The following KRT84 variants were observed in gnomAD, a reference collection of about 807,000 sequenced individuals.
KRT84 encodes the protein keratin 84, also known as keratin, type II cuticular Hb4.
A neutral mutation model predicts 49.0 loss-of-function variants in KRT84; 38 were observed. The observed-to-expected ratio is 0.78, with a 90% CI of 0.60 to 1.02. KRT84 has a LOEUF of 1.02. Among genes scored for constraint, KRT84 ranks in the 50% least tolerant of loss-of-function variants. The probability of loss-of-function intolerance (pLI) is 0.00; values close to 1 mark genes in which losing one functional copy is unlikely to be tolerated. For missense variants in KRT84, 860 were observed against 788.6 expected, an observed-to-expected ratio of 1.09 and a Z score of -1.08; for synonymous variants, 334 against 312.8, an observed-to-expected ratio of 1.07 and a Z score of -0.72.
At chr12:52,380,280 T>A in intron 7 of KRT84, 83 bp downstream of exon 7, 1 of 1,504,554 alleles carries the variant, frequency 6.6e-7, no homozygotes. Flanking sequence ...ATTTCTGCAG[T>A]TCTTCACTGT....
At chr12:52,382,575 T>C in intron 3 of KRT84, 43 bp from the exon 4 acceptor site, 2 of 1,478,774 alleles carry the variant, frequency 1.4e-6, no homozygotes, top group Non-Finnish European at 1.9e-6. Context: ...GCCTGGGCAC[T>C]GTTTCACCTT....
intron 3 of KRT84, 139 bp downstream of exon 3, chr12:52,382,866 T>C: frequency 1.4e-6 from 1 of 709,410 alleles, no homozygotes; most frequent in South Asian, 1.7e-5. Context: ...TCTTGTTATC[T>C]CTGAGATTCC....
chr12:52,381,295 C>A, intron 5 of KRT84, 66 bp downstream of exon 5: 1 of 1,610,764 alleles, frequency 6.2e-7, no homozygotes, highest in Non-Finnish European at 8.5e-7. Flanking sequence ...CTCCCTGGGC[C>A]TGATCTGTTA....
intron 8 of KRT84, among the ~76,000 whole-genome samples, chr12:52,378,838 C>G (rs1939432684): frequency 6.6e-6 from 1 of 152,206 alleles, no homozygotes; most frequent in Non-Finnish European, 1.5e-5. Flanking sequence ...CAACACTAGT[C>G]CCTTGTCGCC....
upstream of KRT84, chr12:52,385,678 T>A: frequency 8.3e-7 from 1 of 1,212,062 alleles, no homozygotes. Flanking sequence ...CTTGCACCCC[T>A]TTTATGTGTG....
rs1301498122 is a variant in KRT84 at position 52,385,591 on chromosome 12, C to T, written c.-6G>A. 6 of 1,610,384 alleles carry T rather than the reference C, an allele frequency of 3.7e-6. No homozygotes were observed. The South Asian group carries it at 4.4e-5, about 12-fold the overall frequency. On this transcript the variant is annotated 5_prime_UTR_variant, in exon 1 of 9. Transcript: ENST00000257951. ...CGGTAGGAGCGGCAAGACATGATGG[C>T]TTCCTGGTTGGGAGCAAAAGAGCAA... is the stretch of plus-strand genomic sequence containing the variant.
chr12:52,377,929 G>T lies in KRT84; in HGVS notation c.*105C>A. 5 of 821,376 alleles carry T rather than the reference G, an allele frequency of 6.1e-6. No individual in the cohort carries two copies. The South Asian group carries it at 1.7e-4, about 28-fold the overall frequency. The allele number at this position is 821,376 out of a possible 1,614,324, so 50.9% of individuals were successfully genotyped here. ...CTAAGGGGTGGCTTCCTGGCAGAAA[G>T]GGGAGCTGGAGACCGTCAAGCCCAG... On this transcript the variant is annotated 3_prime_UTR_variant, in exon 9 of 9. Transcript: ENST00000257951.
At position 52,385,318 on chromosome 12, in the gene KRT84, C is replaced by T; in HGVS notation, c.268G>A (p.Gly90Arg). 1 of 1,614,158 alleles carries T rather than the reference C, an allele frequency of 6.2e-7. No individual in the cohort carries two copies. The highest frequency in any genetic ancestry group is 8.5e-7 in the Non-Finnish European group (1 of 1,180,042). ...CTAGGCCCCAGACCAACACCTCTCC[C>T]ATCACCAAAACCCATCCCACAGCCA... ...GAGCGMGFGDGRGVGLGPRAD... is the reference protein window; with the variant it reads ...GAGCGMGFGDRRGVGLGPRAD... The change falls in exon 1 of 9, where the codon GGG becomes AGG. Residue 90 changes from glycine (G) to arginine (R), a missense_variant. Gly to Arg is a moderately radical substitution (Grantham distance 125, BLOSUM62 -2). Coordinates refer to ENST00000257951, the MANE Select transcript of KRT84 (RefSeq NM_033045.4).
rs767667649 is a variant in KRT84, at chr12:52,382,499, G to A, written c.850C>T (p.Leu284Phe). The stretch of plus-strand genomic sequence containing the variant: ...GTTAGGGTATCCACGTTGGCCTCGA[G>A]ATCAGACTTGTTCATGAAAGCTGCA... ...VDAAFMNKSDLEANVDTLTQE... is the reference protein window; with the variant it reads ...VDAAFMNKSDFEANVDTLTQE... The change falls in exon 4 of 9, where the codon CTC (leucine) becomes TTC (phenylalanine). Residue 284 changes from leucine to phenylalanine, a missense_variant. By Grantham distance (22) the Leu-to-Phe change is conservative. Coordinates refer to ENST00000257951, the MANE Select transcript of KRT84 (RefSeq NM_033045.4). The A allele has an allele frequency of 1.2e-6, 2 of 1,614,060 alleles. No homozygotes were observed. Among genetic ancestry groups the A allele is most frequent in the Non-Finnish European group, 1.7e-6 (2 of 1,179,924 alleles).
chr12:52,381,423 C>A lies in KRT84; in HGVS notation c.1015G>T (p.Ala339Ser). The stretch of plus-strand genomic sequence containing the variant: ...CGCCTGGCCACCTCCTCATACTGGG[C>A]CTTGACCTCAGCAATGATCCCATCA... ...NLDGIIAEVK[A>S]QYEEVARRSR... Residue 339 changes from alanine to serine, a missense_variant, in exon 5 of 9, where the codon GCC (alanine) becomes TCC (serine). Transcript: ENST00000257951. 1 of 1,614,202 alleles carries A rather than the reference C, an allele frequency of 6.2e-7. No individual in the cohort carries two copies.
chr12:52,385,668 C>T, upstream of KRT84: 11 of 1,302,128 alleles, frequency 8.4e-6, no homozygotes, highest in Non-Finnish European at 1.2e-5. Context: ...CAGTGGAACC[C>T]TTGCACCCCT....
chr12:52,382,569 G>A lies in KRT84; in HGVS notation c.817-37C>T, dbSNP rs190953125. ...AGAGAAGGATAAATACTCATCGCCT[G>A]GGCACTGTTTCACCTTCCCACCTGT... is the stretch of plus-strand genomic sequence containing the variant. On this transcript the variant is annotated intron_variant, in intron 3 of 8. Coordinates refer to ENST00000257951, the MANE Select transcript of KRT84 (RefSeq NM_033045.4). 807 of 1,535,220 alleles carry A rather than the reference G, an allele frequency of 5.3e-4. 1 individual carries two copies. Among genetic ancestry groups the A allele is most frequent in the Admixed American group, 9.0e-4 (54 of 59,816 alleles).
intron 1 of KRT84, 106 bp from the exon 2 acceptor site, chr12:52,383,904 G>A: frequency 1.1e-6 from 1 of 883,014 alleles, no homozygotes; most frequent in South Asian, 1.6e-5. Flanking sequence ...TGTCGACAGG[G>A]TTCTCTCCTC....
intron 3 of KRT84, 85 bp downstream of exon 3, chr12:52,382,920 G>A (rs941683560): frequency 4.5e-5 from 50 of 1,121,320 alleles, no homozygotes; most frequent in Non-Finnish European, 5.9e-5. Context: ...GACTCCACAG[G>A]GCTGCCTGAG....
rs1939553958 is a variant in KRT84, at chr12:52,385,240, C to T, written c.346G>A (p.Gly116Ser). 1 of 1,614,120 alleles carries T rather than the reference C, an allele frequency of 6.2e-7. No individual in the cohort carries two copies. Among genetic ancestry groups the T allele is most frequent in the Non-Finnish European group, 8.5e-7 (1 of 1,180,018 alleles). Residue 116 changes from glycine (G) to serine (S), a missense_variant, in exon 1 of 9, where the codon GGC (glycine) becomes AGC (serine). By Grantham distance (56) the Gly-to-Ser change is moderately conservative. Coordinates refer to ENST00000257951, the MANE Select transcript of KRT84 (RefSeq NM_033045.4). ...TAACCAAAGCCAGGGCCACCAAAGC[C>T]ATAGCCAATGCCACTGCCAGCTCCA... ...GFGAGSGIGY[G>S]FGGPGFGYRV... is the part of the protein sequence containing the mutation.
Position 52,385,506 on chromosome 12 carries a change from T to C in KRT84, c.80A>G (p.Asn27Ser). The C allele has an allele frequency of 6.2e-7, 1 of 1,614,136 alleles. No homozygotes were observed. Among genetic ancestry groups the C allele is most frequent in the South Asian group, 1.1e-5 (1 of 91,080 alleles). Residue 27 changes from asparagine to serine, a missense_variant, in exon 1 of 9, where the codon AAC (asparagine) becomes AGC (serine). Asn to Ser is a conservative substitution (Grantham distance 46). Coordinates refer to ENST00000257951, the MANE Select transcript of KRT84 (RefSeq NM_033045.4). ...AGAGTTGGCCCGGAAGCGATTCAGG[T>C]TCTGTGGTGTCATTGCTGAACAAGA... ...FSSCSAMTPQ[N>S]LNRFRANSVS...
chr12:52,378,461 G>A lies in KRT84; in HGVS notation c.1457-81C>T, dbSNP rs1323607703. ...TGCTACCCCTGGGCTGCACCTCCGG[G>A]TCTGGTGGGGAGGGAGTGGGGTCAG... is the stretch of plus-strand genomic sequence containing the variant. On this transcript the variant is annotated intron_variant, in intron 8 of 8. Transcript: ENST00000257951. 6.3e-6 allele frequency: 7 copies of A among 1,119,646 alleles called. No individual in the cohort carries two copies. In the African/African-American group the frequency reaches 1.4e-4, roughly 23 times the overall value. The allele number at this position is 1,119,646 out of a possible 1,614,324, so 69.4% of individuals were successfully genotyped here.
chr12:52,380,709 G>T, intron 6 of KRT84, 126 bp from the exon 7 acceptor site: 1 of 1,004,202 alleles, frequency 1.0e-6, no homozygotes, highest in Non-Finnish European at 1.4e-6. Context: ...CCCCATGGTG[G>T]CTGCTTTCCC....
In KRT84 at chr12:52,385,107, C is replaced by A; in HGVS notation, c.479G>T (p.Arg160Met). The A allele has an allele frequency of 6.2e-7, 1 of 1,602,350 alleles. No individual in the cohort carries two copies. Among genetic ancestry groups the A allele is most frequent in the South Asian group, 1.1e-5 (1 of 88,488 alleles). ...TTGCTCCTTCTCATCCTTCTTCACC[C>A]TCTGGGCATTGGGGTCAATCTCCAG... ...LNLEIDPNAQ[R>M]VKKDEKEQIK... The change falls in exon 1 of 9, where the codon AGG becomes ATG. Residue 160 changes from arginine to methionine, a missense_variant. By Grantham distance (91) the Arg-to-Met change is moderately conservative (BLOSUM62 -1). Coordinates refer to ENST00000257951, the MANE Select transcript of KRT84 (RefSeq NM_033045.4).
Sources: allele counts gnomAD v4.1 joint callset (sites outside exome capture counted in the v4.1 genomes callset), GRCh38; gene constraint gnomAD v4.1.1; transcripts MANE v1.5; gene names NCBI Gene and HGNC (gene_info 2026-07-23, HGNC 2026-07-21).